The following ERAP1 variants were observed in gnomAD, a reference collection of about 807,000 sequenced individuals.
ERAP1 encodes adipocyte-derived leucine aminopeptidase.
A neutral mutation model predicts 103.7 loss-of-function variants in ERAP1; 86 were observed. That is an observed-to-expected ratio of 0.83 (90% CI 0.70 to 0.99). The LOEUF (loss-of-function observed/expected upper bound fraction) is 0.99. ERAP1 is among the 50% of genes least tolerant of loss of function. The probability of loss-of-function intolerance (pLI) is 0.00; values close to 1 mark genes in which losing one functional copy is unlikely to be tolerated. For synonymous variants in ERAP1, 398 were observed against 402.4 expected (o/e 0.99, Z 0.13); for missense variants, 1,009 against 1,128.4 (o/e 0.89, Z 1.52).
chr5:96,916,060 A>G, the ERAP1 span, among the ~76,000 whole-genome samples: 1 of 152,124 alleles, frequency 6.6e-6, no homozygotes, highest in East Asian at 1.9e-4. Flanking sequence ...GTCTCTAATA[A>G]AAATACAAAA....
At chr5:96,898,161 A>C in the ERAP1 span, among the ~76,000 whole-genome samples, 1 of 152,118 alleles carries the variant, frequency 6.6e-6, no homozygotes, top group African/African-American at 2.4e-5. Context: ...GCACCACTGC[A>C]CTCCAGCCTG....
In ERAP1 at chr5:96,797,272, TCTTCTATGAGTC is replaced by T; in HGVS notation, c.689_700del (p.Gly230_Glu233del). Reference sequence around the variant, plus strand: ...CATCTTCACAGTGACATCAAAATGGTCTTCTATGAGTCCTTCAGCAACAGTCACAGATTTCAC... The same window carrying T: ...CATCTTCACAGTGACATCAAAATGGTCTTCAGCAACAGTCACAGATTTCAC... On this transcript the variant is annotated inframe_deletion, in exon 4 of 19. Coordinates refer to ENST00000443439, the MANE Select transcript of ERAP1 (RefSeq NM_001040458.3). The T allele has an allele frequency of 6.2e-7, 1 of 1,614,158 alleles. No homozygotes were observed. Among genetic ancestry groups the T allele is most frequent in the East Asian group, 2.2e-5 (1 of 44,888 alleles).
chr5:96,841,037 T>C, the ERAP1 span, among the ~76,000 whole-genome samples: 1 of 152,094 alleles, frequency 6.6e-6, no homozygotes, highest in Non-Finnish European at 1.5e-5. Flanking sequence ...TCCCAGGTGA[T>C]TAAAAATGTG....
chr5:96,918,335 C>T, the ERAP1 span: 2 of 152,164 alleles, frequency 1.3e-5, no homozygotes, highest in Non-Finnish European at 2.9e-5. Context: ...ACCAGTTTTA[C>T]GTCCAAGGAA....
the ERAP1 span, among the ~76,000 whole-genome samples, chr5:96,926,207 G>C: frequency 6.6e-6 from 1 of 152,258 alleles, no homozygotes; most frequent in East Asian, 1.9e-4. Flanking sequence ...ACCATGCCCA[G>C]CCATTACTGT....
the ERAP1 span, chr5:96,908,877 CTCTA>C: frequency 4.8e-4 from 661 of 1,364,520 alleles, 1 homozygote; most frequent in Non-Finnish European, 6.3e-4. Context: ...TGTTATTGTT[CTCTA>C]TTTCATATTT....
chr5:96,906,986 C>A, the ERAP1 span, among the ~76,000 whole-genome samples: 3 of 152,184 alleles, frequency 2.0e-5, no homozygotes, highest in Non-Finnish European at 4.4e-5. Context: ...CAAGATTGTG[C>A]CATTGCACTC....
chr5:96,849,677 T>C, the ERAP1 span, among the ~76,000 whole-genome samples: 5 of 152,172 alleles, frequency 3.3e-5, no homozygotes, highest in African/African-American at 4.8e-5. Context: ...AAAATGTCCA[T>C]ACTACCCAAA....
the ERAP1 span, chr5:96,913,206 A>T: frequency 2.5e-6 from 2 of 814,338 alleles, no homozygotes; most frequent in South Asian, 4.4e-5. Context: ...TGGTAATTAT[A>T]CTTTTATCAT....
Position 96,785,830 on chromosome 5 carries a change from T to C in ERAP1, c.1901A>G (p.Asn634Ser), listed in dbSNP as rs1294579117. 1 of 1,614,196 alleles carries C rather than the reference T, an allele frequency of 6.2e-7. No homozygotes were observed. The highest frequency in any genetic ancestry group is 8.5e-7 in the Non-Finnish European group (1 of 1,180,038). Residue 634 changes from asparagine to serine, a missense_variant, in exon 13 of 19, where the codon AAT becomes AGT. Asn to Ser is a conservative substitution (Grantham distance 46, BLOSUM62 1). Around this residue, in one of 3 missense-constraint regions of ERAP1, gnomAD observed 611 missense variants for 651.7 expected, o/e 0.94. Transcript: ENST00000443439. Reference protein sequence around the residue: ...LKGTHTAVSSNDRASLINNAF... With the variant: ...LKGTHTAVSSSDRASLINNAF... ...ATTGTTAATGAGACTCGCCCGATCA[T>C]TACTGCTGACTGCTGTGTGTGTTCC...
At chr5:96,808,841 C>T (rs190437140), upstream of ERAP1, among the ~76,000 whole-genome samples, 1 of 152,176 alleles carries the variant, frequency 6.6e-6, no homozygotes, top group Admixed American at 6.5e-5. Context: ...AAATGGGTCC[C>T]GATCCAGACC....
chr5:96,859,615 C>A, the ERAP1 span, among the ~76,000 whole-genome samples: 1 of 152,182 alleles, frequency 6.6e-6, no homozygotes, highest in East Asian at 1.9e-4. Context: ...CTTGGCCTTT[C>A]ATCTAGTCAC....
chr5:96,777,472 G>A lies in ERAP1; in HGVS notation c.2671-921C>T, dbSNP rs530321273. Reference sequence around the variant, plus strand: ...GGGAATAAAGAGGGGAGTAGGAATGGGTTTTAGAAAGATCAGAATTCAATT... The same window carrying A: ...GGGAATAAAGAGGGGAGTAGGAATGAGTTTTAGAAAGATCAGAATTCAATT... On this transcript the variant is annotated intron_variant, in intron 18 of 18. Transcript: ENST00000443439. Among the ~76,000 whole-genome samples, 14 of 152,222 alleles carry A rather than the reference G, an allele frequency of 9.2e-5. No individual in the cohort carries two copies. In the South Asian group the frequency reaches 2.9e-3, roughly 32 times the overall value.
chr5:96,870,709 C>T, the ERAP1 span, among the ~76,000 whole-genome samples: 1 of 152,170 alleles, frequency 6.6e-6, no homozygotes, highest in South Asian at 2.1e-4. Flanking sequence ...TCTTTTATTA[C>T]TATGCTATTG....
chr5:96,820,845 C>T, the ERAP1 span, among the ~76,000 whole-genome samples: 3 of 152,272 alleles, frequency 2.0e-5, no homozygotes, highest in East Asian at 5.8e-4. Flanking sequence ...TGTTTACTTA[C>T]TTTGATTTCT....
chr5:96,873,366 T>G, the ERAP1 span: 2 of 456,278 alleles, frequency 4.4e-6, no homozygotes, highest in African/African-American at 2.0e-5. Context: ...GTCCATTGCC[T>G]GAAGTTGATA....
chr5:96,776,588 T>C (rs761604868), intron 18 of ERAP1, 37 bp from the exon 19 acceptor site: 3 of 1,607,228 alleles, frequency 1.9e-6, no homozygotes, highest in East Asian at 2.2e-5. Context: ...AAATTAATTT[T>C]ATCACATTAA....
the ERAP1 span, among the ~76,000 whole-genome samples, chr5:96,869,082 T>C: frequency 6.6e-6 from 1 of 151,684 alleles, no homozygotes; most frequent in South Asian, 2.1e-4. Context: ...ATGAAGCTCC[T>C]GCTGCTTTTG....
the ERAP1 span, among the ~76,000 whole-genome samples, chr5:96,818,257 C>G: frequency 6.6e-6 from 1 of 152,096 alleles, no homozygotes; most frequent in Admixed American, 6.5e-5. Context: ...TTTGCCTGCT[C>G]AACACACCTC....
Sources: gnomAD v4.1 joint callset for allele counts (sites outside exome capture counted in the v4.1 genomes callset) on GRCh38, gnomAD v4.1.1 for gene constraint, gnomAD v4.1.1 regional missense constraint, MANE v1.5 for transcripts, NCBI Gene and HGNC (gene_info 2026-07-23, HGNC 2026-07-21) for gene names.